Variants in CAMTA1 observed in about 807,000 individuals in gnomAD.
CAMTA1 encodes calmodulin binding transcription activator 1.
CAMTA1 carries 27 observed loss-of-function variants against 170.9 expected under a neutral mutation model. The observed-to-expected ratio is 0.16, with a 90% CI of 0.12 to 0.22. CAMTA1 has a LOEUF of 0.22. Among genes scored for constraint, CAMTA1 ranks in the 10% least tolerant of loss-of-function variants. The probability of loss-of-function intolerance (pLI) is 1.00; values close to 1 mark genes in which losing one functional copy is unlikely to be tolerated. For missense variants in CAMTA1, 1,619 were observed against 2,217.2 expected (o/e 0.73, Z 5.42); for synonymous variants, 833 against 891.5 (o/e 0.93, Z 1.17).
intron 5 of CAMTA1, among the ~76,000 whole-genome samples, chr1:7,407,760 G>A (rs2149241632): frequency 6.6e-6 from 1 of 152,202 alleles, no homozygotes; most frequent in Middle Eastern, 3.4e-3. Context: ...GTTTTAGAAG[G>A]GAGCCTGATG....
At chr1:7,219,542 TAAAAAAAAAA>T (rs34288461) in intron 4 of CAMTA1, 6 of 65,276 alleles carry the variant, frequency 9.2e-5, no homozygotes, top group Admixed American at 2.2e-4. Context: ...AATTTTTTCT[TAAAAAAAAAA>T]AAAAAAAAAA....
At chr1:7,313,939 G>T (rs1008648167) in intron 5 of CAMTA1, among the ~76,000 whole-genome samples, 2 of 152,258 alleles carry the variant, frequency 1.3e-5, no homozygotes, top group African/African-American at 4.8e-5. Context: ...GCACAGAAGG[G>T]CCACTGAATC....
In CAMTA1 at chr1:7,234,788, C is replaced by CCT. The variant is rs1663502317; in HGVS notation, c.303-14703_303-14702insCT. ...GGGAAATTGGAAAATACAAGTTGAC[C>CCT]TTTTTTTTTTTTTTTTTAGATAGAG... On this transcript the variant is annotated intron_variant, in intron 4 of 22. Coordinates refer to ENST00000303635, the MANE Select transcript of CAMTA1 (RefSeq NM_015215.4). The surrounding 1 kb of genome is among the most constrained non-coding windows in gnomAD (Gnocchi z 5.0). 3.7e-5 allele frequency among the ~76,000 whole-genome samples: 5 copies of CCT among 136,422 alleles called. No individual in the cohort carries two copies. The highest frequency in any genetic ancestry group is 1.4e-4 in the African/African-American group (5 of 36,142). 89.5% of individuals were successfully genotyped at this position (136,422 alleles called of 152,430 possible).
rs2095759785 is a variant in CAMTA1, at chr1:7,641,413, C to A, written c.664+860C>A. On this transcript the variant is annotated intron_variant, in intron 7 of 22. Transcript: ENST00000303635. This position sits in a 1 kb window ranked among gnomAD's most constrained non-coding sequence, Gnocchi z 4.5. Reference sequence around the variant, plus strand: ...CTCAGAAGCAGAACTGTCCCTGGAGCTGGGCTGGAGGGAGGAAGCAGCTGT... The same window carrying A: ...CTCAGAAGCAGAACTGTCCCTGGAGATGGGCTGGAGGGAGGAAGCAGCTGT... Among the ~76,000 whole-genome samples the A allele has an allele frequency of 6.6e-6, 1 of 152,156 alleles. No homozygotes were observed.
rs201293971 is a variant in CAMTA1, at chr1:7,655,285, C to A, written c.665-6441C>A. Among the ~76,000 whole-genome samples, 76 of 133,932 alleles carry A rather than the reference C, an allele frequency of 5.7e-4. No homozygotes were observed. The South Asian group carries it at 9.4e-3, about 17-fold the overall frequency. 87.9% of individuals were successfully genotyped at this position (133,932 alleles called of 152,430 possible). On this transcript the variant is annotated intron_variant, in intron 7 of 22. Transcript: ENST00000303635. ...AGACCCACCTATACACACCGTTATA[C>A]ACACACACACCTATACACACACACC...
chr1:7,650,550 G>C (rs749560215), intron 7 of CAMTA1, among the ~76,000 whole-genome samples: 2 of 152,188 alleles, frequency 1.3e-5, no homozygotes, highest in Non-Finnish European at 1.5e-5. Flanking sequence ...TCCAGAGGAC[G>C]TGTGATGTTG....
At chr1:7,001,581 C>T (rs748169698) in intron 3 of CAMTA1, among the ~76,000 whole-genome samples, 1 of 152,208 alleles carries the variant, frequency 6.6e-6, no homozygotes, top group Non-Finnish European at 1.5e-5. Flanking sequence ...CTGATATTGA[C>T]GACAGCCAGT....
chr1:7,655,503 TACAC>T (rs888281793), intron 7 of CAMTA1, among the ~76,000 whole-genome samples: 10 of 125,632 alleles, frequency 8.0e-5, no homozygotes, highest in East Asian at 5.3e-4. Flanking sequence ...ACAACACACA[TACAC>T]ACACCTATGT....
chr1:7,342,831 G>A (rs1210260631), intron 5 of CAMTA1, among the ~76,000 whole-genome samples: 1 of 152,168 alleles, frequency 6.6e-6, no homozygotes, highest in Non-Finnish European at 1.5e-5. Context: ...TGGCCAGTGG[G>A]CAAACTATTC....
chr1:7,693,840 C>G (rs71637396), intron 11 of CAMTA1: 1 of 152,406 alleles, frequency 6.6e-6, no homozygotes, highest in South Asian at 2.1e-4. Context: ...TCCAGCTCCT[C>G]CAGAGTCAGC....
intron 6 of CAMTA1, among the ~76,000 whole-genome samples, chr1:7,506,708 C>T (rs59483074): frequency 0.014 from 2,089 of 151,678 alleles, 48 homozygotes; most frequent in African/African-American, 0.048. Flanking sequence ...CACACTCACA[C>T]GCTCACACTC....
In CAMTA1 at chr1:7,041,546, G is replaced by A. The variant is rs1321743810; in HGVS notation, c.235-49758G>A. Among the ~76,000 whole-genome samples the A allele has an allele frequency of 6.6e-6, 1 of 152,198 alleles. No individual in the cohort carries two copies. Among genetic ancestry groups the A allele is most frequent in the Non-Finnish European group, 1.5e-5 (1 of 68,022 alleles). ...ACTCTTACGAAATTAAGCATAATGC[G>A]AAAACATGCTGAAAAGACAGTTCTG... On this transcript the variant is annotated intron_variant, in intron 3 of 22. Transcript: ENST00000303635. This position sits in a 1 kb window ranked among gnomAD's most constrained non-coding sequence, Gnocchi z 5.1.
intron 4 of CAMTA1, among the ~76,000 whole-genome samples, chr1:7,121,840 C>G (rs1166482465): frequency 2.0e-5 from 3 of 151,998 alleles, no homozygotes; most frequent in Non-Finnish European, 4.4e-5. Context: ...CCACGTGGCT[C>G]TTTGGGAGTG....
intron 5 of CAMTA1, among the ~76,000 whole-genome samples, chr1:7,444,651 C>T (rs1047474327): frequency 6.6e-6 from 1 of 152,206 alleles, no homozygotes; most frequent in African/African-American, 2.4e-5. Flanking sequence ...GGGCACCGAG[C>T]AAGAAGCATC....
intron 11 of CAMTA1, among the ~76,000 whole-genome samples, chr1:7,727,818 A>T (rs937491476): frequency 2.0e-5 from 3 of 152,214 alleles, no homozygotes; most frequent in Non-Finnish European, 2.9e-5. Flanking sequence ...AAAGACCATC[A>T]TTTTATCCAT....
intron 11 of CAMTA1, among the ~76,000 whole-genome samples, chr1:7,699,098 A>G (rs951146048): frequency 3.9e-5 from 6 of 151,992 alleles, no homozygotes; most frequent in African/African-American, 7.3e-5. Flanking sequence ...TCCTTTGTCT[A>G]TGTGTGTGTG....
At chr1:7,445,908 C>T (rs2092667703) in intron 5 of CAMTA1, among the ~76,000 whole-genome samples, 1 of 152,128 alleles carries the variant, frequency 6.6e-6, no homozygotes, top group African/African-American at 2.4e-5. Context: ...ATGGAGCTCC[C>T]AGAGCCTGCG....
Position 7,041,351 on chromosome 1 carries a change from A to G in CAMTA1, c.235-49953A>G. 6.6e-6 allele frequency among the ~76,000 whole-genome samples: 1 copy of G among 152,214 alleles called. No homozygotes were observed. Among genetic ancestry groups the G allele is most frequent in the East Asian group, 1.9e-4 (1 of 5,190 alleles). Reference sequence around the variant, plus strand: ...GTGGCTTTGCCAGCATCTATTGTCTAAGAGGGCTGGGGAAGCTCACTGTTT... The same window carrying G: ...GTGGCTTTGCCAGCATCTATTGTCTGAGAGGGCTGGGGAAGCTCACTGTTT... On this transcript the variant is annotated intron_variant, in intron 3 of 22. Coordinates refer to ENST00000303635, the MANE Select transcript of CAMTA1 (RefSeq NM_015215.4). The surrounding 1 kb of genome is among the most constrained non-coding windows in gnomAD (Gnocchi z 5.1).
intron 7 of CAMTA1, among the ~76,000 whole-genome samples, chr1:7,656,968 C>T (rs529652986): frequency 1.3e-5 from 2 of 152,386 alleles, no homozygotes; most frequent in South Asian, 2.1e-4. Context: ...CTCCCAGCCT[C>T]GGCTCTGCAA....
Sources: gnomAD v4.1 joint callset for allele counts (sites outside exome capture counted in the v4.1 genomes callset) on GRCh38, gnomAD v4.1.1 for gene constraint, Gnocchi (gnomAD v3.1) non-coding constraint, MANE v1.5 for transcripts, NCBI Gene and HGNC (gene_info 2026-07-23, HGNC 2026-07-21) for gene names.